The following THAP8 variants were observed in gnomAD, a reference collection of about 807,000 sequenced individuals.
THAP8 encodes the protein THAP domain containing 8, also known as THAP domain-containing protein 8.
THAP8 carries 24 observed loss-of-function variants against 25.0 expected under a neutral mutation model. That is an observed-to-expected ratio of 0.96 (90% CI 0.69 to 1.35). The LOEUF is 1.35. Ranked by LOEUF, THAP8 falls within the 40% of genes most tolerant of loss-of-function variation. The probability of loss-of-function intolerance (pLI) is 0.00; values close to 1 mark genes in which losing one functional copy is unlikely to be tolerated. For synonymous variants in THAP8, 169 were observed against 157.6 expected, an observed-to-expected ratio of 1.07 and a Z score of -0.54; for missense variants, 399 against 368.8, an observed-to-expected ratio of 1.08 and a Z score of -0.67.
chr19:36,053,552 C>CAAAAA, intron 1 of THAP8, among the ~76,000 whole-genome samples: 1 of 58,924 alleles, frequency 1.7e-5, no homozygotes, highest in African/African-American at 7.0e-5. Flanking sequence ...GATCTTGTCT[C>CAAAAA]AAAAAAAAAA....
intron 1 of THAP8, among the ~76,000 whole-genome samples, chr19:36,049,404 T>C (rs762866367): frequency 1.3e-5 from 2 of 152,006 alleles, no homozygotes; most frequent in Non-Finnish European, 2.9e-5. Flanking sequence ...AGTGTTCCCA[T>C]TGGCTGCCAA....
At chr19:36,045,178 G>C (rs10414679) in intron 1 of THAP8, among the ~76,000 whole-genome samples, 71,749 of 151,828 alleles carry the variant, frequency 0.47, 17,692 homozygotes, top group African/African-American at 0.6. Context: ...AGCTCCGCCT[G>C]CCAGGTTCAC....
In THAP8 at chr19:36,044,228, T is replaced by C. The variant is rs933655975; in HGVS notation, c.84-4092A>G. 2.0e-5 allele frequency among the ~76,000 whole-genome samples: 3 copies of C among 152,346 alleles called. No individual in the cohort carries two copies. The South Asian group carries it at 6.2e-4, about 32-fold the overall frequency. On this transcript the variant is annotated intron_variant, in intron 1 of 3. Coordinates refer to ENST00000292894, the MANE Select transcript of THAP8 (RefSeq NM_152658.3). Reference sequence around the variant, plus strand: ...TGCTAAATTTGGGGATAGTTTGTTATATAGCATTAGATAACTAAGACACAT... The same window carrying C: ...TGCTAAATTTGGGGATAGTTTGTTACATAGCATTAGATAACTAAGACACAT...
chr19:36,040,048 A>G lies in THAP8; in HGVS notation c.172T>C (p.Cys58Arg). The change falls in exon 2 of 4, where the codon TGC becomes CGC. Residue 58 changes from cysteine (C) to arginine (R), a missense_variant. Cys to Arg is a radical substitution (Grantham distance 180). Transcript: ENST00000292894. ...HWVPSCHQHL[C>R]SEHFTPSCFQ... is the part of the protein sequence containing the mutation. ...CAGGAGGGTGTGAAGTGCTCGCTGC[A>G]CAAGTGCTGGTGGCAGCTGGGCACC... is the stretch of plus-strand genomic sequence containing the variant. 6.2e-7 allele frequency: 1 copy of G among 1,613,750 alleles called. No individual in the cohort carries two copies. The highest frequency in any genetic ancestry group is 8.5e-7 in the Non-Finnish European group (1 of 1,179,866).
intron 1 of THAP8, among the ~76,000 whole-genome samples, chr19:36,040,413 G>A (rs530414078): frequency 3.9e-5 from 6 of 152,224 alleles, no homozygotes; most frequent in East Asian, 1.9e-4. Context: ...TACAACCTCC[G>A]CCTCCTGGGT....
intron 1 of THAP8, among the ~76,000 whole-genome samples, chr19:36,043,724 C>A (rs1486596213): frequency 1.3e-5 from 2 of 151,956 alleles, no homozygotes; most frequent in African/African-American, 4.8e-5. Context: ...CCCGTCTCTA[C>A]GAAAATTACA....
Position 36,054,119 on chromosome 19 carries a change from C to T in THAP8, c.83+16G>A, listed in dbSNP as rs1189863514. On this transcript the variant is annotated intron_variant, in intron 1 of 3. Transcript: ENST00000292894. ...GGGTCCCGCCTCCCTCAAGCCCCGC[C>T]CCGCGCTGCGCTCACTTGTAGAAGC... 18 of 1,611,364 alleles carry T rather than the reference C, an allele frequency of 1.1e-5. No individual in the cohort carries two copies. In the East Asian group the frequency reaches 3.8e-4, roughly 34 times the overall value.
chr19:36,045,842 C>A (rs1365675495), intron 1 of THAP8: 1 of 456,704 alleles, frequency 2.2e-6, no homozygotes, highest in Non-Finnish European at 4.4e-6. Flanking sequence ...CAGAGGAGTA[C>A]AGCCCTGCCG....
chr19:36,038,459 T>TC (rs1244974634), intron 3 of THAP8, among the ~76,000 whole-genome samples: 1 of 151,160 alleles, frequency 6.6e-6, no homozygotes, highest in African/African-American at 2.4e-5. Flanking sequence ...TACCATGTTG[T>TC]CCAGGCTGGT....
chr19:36,043,679 C>G (rs1969778527), intron 1 of THAP8, among the ~76,000 whole-genome samples: 1 of 151,966 alleles, frequency 6.6e-6, no homozygotes. Context: ...ATTTTGAATT[C>G]AAGTTCAAGA....
chr19:36,036,456 G>C (rs1323908356), intron 3 of THAP8, among the ~76,000 whole-genome samples: 1 of 151,936 alleles, frequency 6.6e-6, no homozygotes, highest in Non-Finnish European at 1.5e-5. Flanking sequence ...TTCTTGTAGA[G>C]ACAGGGTTTC....
intron 3 of THAP8, among the ~76,000 whole-genome samples, chr19:36,037,071 T>C (rs1168860815): frequency 6.6e-6 from 1 of 152,036 alleles, no homozygotes; most frequent in African/African-American, 2.4e-5. Context: ...AGCAGGGCTC[T>C]GAAAGCCATG....
chr19:36,047,523 G>A (rs1342443291), intron 1 of THAP8, among the ~76,000 whole-genome samples: 1 of 152,152 alleles, frequency 6.6e-6, no homozygotes, highest in Admixed American at 6.6e-5. Flanking sequence ...ACAGGCTAAG[G>A]ATGACAGAGC....
chr19:36,054,451 T>C (rs988324765), upstream of THAP8: 2 of 598,146 alleles, frequency 3.3e-6, no homozygotes, highest in Non-Finnish European at 5.9e-6. Context: ...ACTGTGCACC[T>C]GCGCAAAGCC....
chr19:36,039,580 T>C lies in THAP8; in HGVS notation c.415A>G (p.Ser139Gly). The C allele has an allele frequency of 6.6e-7, 1 of 1,514,358 alleles. No homozygotes were observed. Among genetic ancestry groups the C allele is most frequent in the Admixed American group, 2.2e-5 (1 of 45,796 alleles). The allele number at this position is 1,514,358 out of a possible 1,614,324, so 93.8% of individuals were successfully genotyped here. ...AGCATGGTGGCCACAGTCTTGGGGCTCCCCGATGTGGGGCCCAGCACCACT... is the reference window on the plus strand; with the variant it reads ...AGCATGGTGGCCACAGTCTTGGGGCCCCCCGATGTGGGGCCCAGCACCACT... ...RLVVLGPTSG[S>G]PKTVATMLLT... Residue 139 changes from serine to glycine, a missense_variant, in exon 3 of 4, where the codon AGC becomes GGC. Ser to Gly is a moderately conservative substitution (Grantham distance 56). Coordinates refer to ENST00000292894, the MANE Select transcript of THAP8 (RefSeq NM_152658.3).
Position 36,035,419 on chromosome 19 carries a change from C to A in THAP8, c.*21G>T. 1 of 1,602,164 alleles carries A rather than the reference C, an allele frequency of 6.2e-7. No homozygotes were observed. The highest frequency in any genetic ancestry group is 8.5e-7 in the Non-Finnish European group (1 of 1,171,160). On this transcript the variant is annotated 3_prime_UTR_variant, in exon 4 of 4. Transcript: ENST00000292894. ...CCTCCATCTTCTATCTTTTGTCCCT[C>A]GACATTGTCTGTCTTGATCCTTATG...
At chr19:36,036,494 T>C (rs1294940015) in intron 3 of THAP8, among the ~76,000 whole-genome samples, 2 of 152,016 alleles carry the variant, frequency 1.3e-5, no homozygotes, top group Non-Finnish European at 2.9e-5. Flanking sequence ...GGTCTCAAAC[T>C]CCTGGGCTCA....
upstream of THAP8, chr19:36,054,704 A>G: frequency 1.7e-6 from 1 of 589,354 alleles, no homozygotes; most frequent in South Asian, 2.0e-5. Flanking sequence ...AATAATGAAA[A>G]CGCAGTCTGG....
chr19:36,035,134 G>A lies in THAP8; in HGVS notation c.*306C>T. 3.5e-6 allele frequency: 1 copy of A among 282,094 alleles called. No individual in the cohort carries two copies. The highest frequency in any genetic ancestry group is 6.6e-6 in the Non-Finnish European group (1 of 150,550). 17.5% of individuals were successfully genotyped at this position (282,094 alleles called of 1,614,324 possible). A position where few individuals can be genotyped will look rare whatever the true frequency, so the allele number is the denominator to read the frequency against. ...TTGGCAAAAAGCGTGGGACTCCTTA[G>A]AACCAGGTATGATTCTCCCAAACAA... On this transcript the variant is annotated 3_prime_UTR_variant, in exon 4 of 4. Coordinates refer to ENST00000292894, the MANE Select transcript of THAP8 (RefSeq NM_152658.3).
Sources: gnomAD v4.1 joint callset for allele counts (sites outside exome capture counted in the v4.1 genomes callset) on GRCh38, gnomAD v4.1.1 for gene constraint, MANE v1.5 for transcripts, NCBI Gene and HGNC (gene_info 2026-07-23, HGNC 2026-07-21) for gene names.